Variants in BCAS3 observed in about 807,000 individuals in gnomAD.
BCAS3 encodes the protein BCAS3 microtubule associated cell migration factor, also known as BCAS4/BCAS3 fusion.
Under a neutral mutation model 116.1 loss-of-function variants are expected in BCAS3, and 53 were observed. The observed-to-expected ratio is 0.46, with a 90% CI of 0.37 to 0.57. The LOEUF (loss-of-function observed/expected upper bound fraction) is 0.57, where lower values mean the gene tolerates loss of function less well. BCAS3 is among the 20% of genes least tolerant of loss of function. BCAS3 has a pLI of 0.00. For missense variants in BCAS3, 917 were observed against 1,165.4 expected, an observed-to-expected ratio of 0.79 and a Z score of 3.10; for synonymous variants, 391 against 408.2, an observed-to-expected ratio of 0.96 and a Z score of 0.51.
chr17:60,805,980 C>T (rs1473420267), intron 6 of BCAS3, among the ~76,000 whole-genome samples: 2 of 151,352 alleles, frequency 1.3e-5, no homozygotes, highest in African/African-American at 2.4e-5. Flanking sequence ...CTGCCTCAGC[C>T]TCCCAAGTAG....
At chr17:60,875,161 C>T (rs1419559611) in intron 9 of BCAS3, among the ~76,000 whole-genome samples, 4 of 152,082 alleles carry the variant, frequency 2.6e-5, no homozygotes, top group Admixed American at 6.5e-5. Context: ...ATATATTTTT[C>T]GAATAAGGAC....
At chr17:61,357,454 T>A (rs7224656) in intron 22 of BCAS3, among the ~76,000 whole-genome samples, 79,895 of 147,892 alleles carry the variant, frequency 0.54, 24,432 homozygotes, top group Non-Finnish European at 0.7. Context: ...TTTTATTTTT[T>A]TTTTTTTTGA....
chr17:60,937,650 G>T (rs1234266058), intron 13 of BCAS3, among the ~76,000 whole-genome samples: 1 of 152,046 alleles, frequency 6.6e-6, no homozygotes, highest in Non-Finnish European at 1.5e-5. Context: ...TTATTTTGTA[G>T]TCCTAACACA....
chr17:60,727,695 C>A (rs568004849), intron 5 of BCAS3, among the ~76,000 whole-genome samples: 31 of 152,262 alleles, frequency 2.0e-4, no homozygotes, highest in African/African-American at 7.2e-4. Flanking sequence ...ACTGTCAACA[C>A]CCCCAGCACC....
chr17:60,873,843 C>T (rs996993694), intron 8 of BCAS3, among the ~76,000 whole-genome samples: 3 of 151,570 alleles, frequency 2.0e-5, no homozygotes, highest in African/African-American at 7.3e-5. Flanking sequence ...AGTAGATAGC[C>T]AACAATTTAT....
intron 22 of BCAS3, among the ~76,000 whole-genome samples, chr17:61,247,505 T>C (rs2048062597): frequency 6.6e-6 from 1 of 152,158 alleles, no homozygotes; most frequent in African/African-American, 2.4e-5. Context: ...GGGCTAAAGA[T>C]AGAAAGTAAA....
chr17:61,264,888 G>T (rs1025913445), intron 22 of BCAS3, among the ~76,000 whole-genome samples: 2 of 152,118 alleles, frequency 1.3e-5, no homozygotes, highest in African/African-American at 4.8e-5. Flanking sequence ...GCCAAAAAGA[G>T]AGCTAAGCCA....
intron 7 of BCAS3, chr17:60,810,351 C>A (rs946320673): frequency 1.6e-5 from 7 of 447,264 alleles, no homozygotes; most frequent in Admixed American, 8.4e-5. Context: ...GGTCCAGGGG[C>A]CTGGTTGTGG....
rs140004687 is a variant in BCAS3 at position 61,165,144 on chromosome 17, T to C, written c.2425+80580T>C. On this transcript the variant is annotated intron_variant, in intron 22 of 23. Coordinates refer to ENST00000407086, the MANE Select transcript of BCAS3 (RefSeq NM_017679.5). The stretch of plus-strand genomic sequence containing the variant: ...TTTTTTATGCCCTTTCCTTACCTAA[T>C]AATTTCCCTAATTATCTGGTATATT... Among the ~76,000 whole-genome samples, 71 of 152,346 alleles carry C rather than the reference T, an allele frequency of 4.7e-4. 1 individual carries two copies. In the South Asian group the frequency reaches 8.5e-3, roughly 18 times the overall value.
In BCAS3 at chr17:61,204,366, C is replaced by T. The variant is rs1020739580; in HGVS notation, c.2425+119802C>T. ...AGAAGATTCTAGATATCACATTTTA[C>T]GGGACCTTTACATTTAGTTCACTAT... On this transcript the variant is annotated intron_variant, in intron 22 of 23. Transcript: ENST00000407086. The surrounding 1 kb of genome is among the most constrained non-coding windows in gnomAD (Gnocchi z 4.2). 2.0e-5 allele frequency among the ~76,000 whole-genome samples: 3 copies of T among 152,160 alleles called. No individual in the cohort carries two copies. Among genetic ancestry groups the T allele is most frequent in the Non-Finnish European group, 4.4e-5 (3 of 68,038 alleles).
chr17:60,861,894 A>G (rs920607367), intron 7 of BCAS3, among the ~76,000 whole-genome samples: 9 of 152,130 alleles, frequency 5.9e-5, no homozygotes, highest in Middle Eastern at 6.8e-3. Flanking sequence ...ATTTGCTGGT[A>G]TTTTGTTGAG....
Position 60,985,918 on chromosome 17 carries a change from G to A in BCAS3, c.1222-4053G>A, listed in dbSNP as rs576664265. 8.5e-5 allele frequency among the ~76,000 whole-genome samples: 13 copies of A among 152,280 alleles called. No homozygotes were observed. The East Asian group carries it at 1.7e-3, about 20-fold the overall frequency. ...CACCAGGCTAATTTTTGTATTTTTA[G>A]TAGAAACAGGGTTTCACCATGTTGA... On this transcript the variant is annotated intron_variant, in intron 14 of 23. Transcript: ENST00000407086.
intron 7 of BCAS3, among the ~76,000 whole-genome samples, chr17:60,814,302 T>TGCGCGCGCGC (rs58998607): frequency 0.038 from 5,325 of 138,778 alleles, 168 homozygotes; most frequent in African/African-American, 0.094. Flanking sequence ...TGTGTGTGTG[T>TGCGCGCGCGC]GTGTGCGCGC....
At position 61,200,168 on chromosome 17, in the gene BCAS3, A is replaced by G. The variant is rs533093079; in HGVS notation, c.2425+115604A>G. Among the ~76,000 whole-genome samples, 8 of 152,278 alleles carry G rather than the reference A, an allele frequency of 5.3e-5. 1 individual carries two copies. The South Asian group carries it at 1.4e-3, about 28-fold the overall frequency. On this transcript the variant is annotated intron_variant, in intron 22 of 23. Coordinates refer to ENST00000407086, the MANE Select transcript of BCAS3 (RefSeq NM_017679.5). This position sits in a 1 kb window ranked among gnomAD's most constrained non-coding sequence, Gnocchi z 5.1. The stretch of plus-strand genomic sequence containing the variant: ...TCCTCTTTATAAAAAACAAAACAAA[A>G]CCAACTTAGAACTTACTGTTGACTT...
intron 6 of BCAS3, among the ~76,000 whole-genome samples, chr17:60,787,385 A>G (rs1319396899): frequency 2.6e-5 from 4 of 152,172 alleles, no homozygotes; most frequent in African/African-American, 9.7e-5. Context: ...GCATACATCA[A>G]TATATCTTTC....
chr17:60,912,949 A>C (rs2058594651), intron 12 of BCAS3, among the ~76,000 whole-genome samples: 1 of 152,098 alleles, frequency 6.6e-6, no homozygotes, highest in Non-Finnish European at 1.5e-5. Context: ...ATAGAAGTGT[A>C]ATTCACGTAT....
intron 13 of BCAS3, among the ~76,000 whole-genome samples, chr17:60,936,721 T>G (rs1188126540): frequency 2.0e-5 from 3 of 152,108 alleles, no homozygotes; most frequent in East Asian, 1.9e-4. Context: ...TTTTTTTCTT[T>G]TAAATTTGTT....
At position 60,967,970 on chromosome 17, in the gene BCAS3, G is replaced by A. The variant is rs988312030; in HGVS notation, c.1221+20618G>A. Among the ~76,000 whole-genome samples the A allele has an allele frequency of 3.3e-5, 5 of 152,100 alleles. No individual in the cohort carries two copies. The highest frequency in any genetic ancestry group is 6.5e-5 in the Admixed American group (1 of 15,280). On this transcript the variant is annotated intron_variant, in intron 14 of 23. Transcript: ENST00000407086. The surrounding 1 kb of genome is among the most constrained non-coding windows in gnomAD (Gnocchi z 4.7). Reference sequence around the variant, plus strand: ...TGTGTTTGTTGTTGTTGTTGTTGTTGTTGTTGTTTTGGAGATCACTGAGTT... The same window carrying A: ...TGTGTTTGTTGTTGTTGTTGTTGTTATTGTTGTTTTGGAGATCACTGAGTT...
intron 6 of BCAS3, among the ~76,000 whole-genome samples, chr17:60,792,122 C>A (rs764070852): frequency 6.6e-6 from 1 of 151,996 alleles, no homozygotes; most frequent in Non-Finnish European, 1.5e-5. Context: ...GACTCCATCT[C>A]AAAAACAAAA....
Sources: gnomAD v4.1 joint callset for allele counts (sites outside exome capture counted in the v4.1 genomes callset) on GRCh38, gnomAD v4.1.1 for gene constraint, Gnocchi (gnomAD v3.1) non-coding constraint, MANE v1.5 for transcripts, NCBI Gene and HGNC (gene_info 2026-07-23, HGNC 2026-07-21) for gene names.